Variants in ARHGAP21 observed in about 807,000 individuals in gnomAD.
ARHGAP21 encodes the protein Rho GTPase activating protein 21.
A neutral mutation model predicts 164.6 loss-of-function variants in ARHGAP21; 38 were observed. The ratio of observed to expected loss-of-function variants is 0.23; its 90% CI spans 0.18 to 0.30. The LOEUF is 0.30. Ranked by LOEUF, ARHGAP21 falls within the 10% of genes least tolerant of loss-of-function variation. The pLI is 1.00. For synonymous variants in ARHGAP21, 766 were observed against 857.9 expected (o/e 0.89, Z 1.87); for missense variants, 1,822 against 2,370.7 (o/e 0.77, Z 4.81).
chr10:24,713,880 A>G (rs912622748), intron 2 of ARHGAP21, among the ~76,000 whole-genome samples: 2 of 152,244 alleles, frequency 1.3e-5, no homozygotes, highest in Admixed American at 1.3e-4. Flanking sequence ...TAATTTGCAC[A>G]ATACCCAATT....
At chr10:24,651,266 C>G (rs1838133488) in intron 4 of ARHGAP21, among the ~76,000 whole-genome samples, 1 of 152,184 alleles carries the variant, frequency 6.6e-6, no homozygotes, top group African/African-American at 2.4e-5. Context: ...AAGTGTTTGC[C>G]TGGGGACTCT....
Position 24,722,075 on chromosome 10 carries a change from T to A in ARHGAP21, c.-176A>T. ...AAGGTTTTCAGGAAGCGCCTTCAAA[T>A]GCCTCGCTGATTTCTCGTGACTTCA... On this transcript the variant is annotated 5_prime_UTR_variant, in exon 2 of 26. Coordinates refer to ENST00000396432, the MANE Select transcript of ARHGAP21 (RefSeq NM_020824.4). 1 of 649,890 alleles carries A rather than the reference T, an allele frequency of 1.5e-6. No homozygotes were observed. Among genetic ancestry groups the A allele is most frequent in the South Asian group, 1.8e-5 (1 of 54,920 alleles). The allele number at this position is 649,890 out of a possible 1,614,324, so 40.3% of individuals were successfully genotyped here.
At chr10:24,688,829 T>C (rs1842456550) in intron 2 of ARHGAP21, among the ~76,000 whole-genome samples, 1 of 151,998 alleles carries the variant, frequency 6.6e-6, no homozygotes, top group Non-Finnish European at 1.5e-5. Context: ...TTAAAGGGAG[T>C]AGCATCAAAT....
At position 24,676,375 on chromosome 10, in the gene ARHGAP21, T is replaced by C. The variant is rs181016173; in HGVS notation, c.64-5978A>G. The stretch of plus-strand genomic sequence containing the variant: ...TACTGCATGCTGCTGAGGACTGGCA[T>C]AGGAATGTGATTCTCTCTTTTTATC... On this transcript the variant is annotated intron_variant, in intron 2 of 25. Transcript: ENST00000396432. Among the ~76,000 whole-genome samples the C allele has an allele frequency of 4.6e-5, 7 of 152,364 alleles. No individual in the cohort carries two copies. In the East Asian group the frequency reaches 9.6e-4, roughly 21 times the overall value.
intron 17 of ARHGAP21, 59 bp from the exon 18 acceptor site, chr10:24,596,102 A>C (rs2076567546): frequency 1.4e-6 from 2 of 1,403,430 alleles, no homozygotes; most frequent in East Asian, 4.8e-5. Context: ...GTAGTTGTAT[A>C]TCACAGCTAA....
At chr10:24,596,576 A>C (rs937990246) in intron 17 of ARHGAP21, 164 bp downstream of exon 17, 2 of 894,418 alleles carry the variant, frequency 2.2e-6, no homozygotes, top group African/African-American at 3.5e-5. Context: ...ATACATTAGA[A>C]AAAAAGCATT....
chr10:24,612,804 G>A (rs1041393792), intron 9 of ARHGAP21, among the ~76,000 whole-genome samples: 2 of 152,104 alleles, frequency 1.3e-5, no homozygotes, highest in African/African-American at 2.4e-5. Context: ...GCAGTGAGCC[G>A]AGATCAGGCT....
chr10:24,713,479 C>T (rs1187807239), intron 2 of ARHGAP21, among the ~76,000 whole-genome samples: 1 of 152,084 alleles, frequency 6.6e-6, no homozygotes, highest in African/African-American at 2.4e-5. Flanking sequence ...TCTGATCTGT[C>T]TACTTACCCC....
chr10:24,694,018 A>T (rs1842948568), intron 2 of ARHGAP21, among the ~76,000 whole-genome samples: 1 of 152,208 alleles, frequency 6.6e-6, no homozygotes, highest in Non-Finnish European at 1.5e-5. Flanking sequence ...GGTACAAAAG[A>T]TATACACCAA....
chr10:24,688,812 T>C (rs1221864949), intron 2 of ARHGAP21, among the ~76,000 whole-genome samples: 1 of 152,176 alleles, frequency 6.6e-6, no homozygotes, highest in African/African-American at 2.4e-5. Flanking sequence ...GGAAGAAAGA[T>C]GGAAGCTTAA....
intron 2 of ARHGAP21, among the ~76,000 whole-genome samples, chr10:24,702,154 G>A (rs1317253594): frequency 3.4e-4 from 35 of 103,374 alleles, no homozygotes; most frequent in Admixed American, 4.1e-4. Flanking sequence ...TTTTTGAGAC[G>A]GAGTCTTGCT....
intron 4 of ARHGAP21, among the ~76,000 whole-genome samples, chr10:24,650,756 T>C (rs1008937026): frequency 3.9e-5 from 6 of 152,194 alleles, no homozygotes; most frequent in Admixed American, 2.0e-4. Context: ...AGCTAGACGA[T>C]GTATAACCAC....
At chr10:24,687,862 T>C (rs1012925072) in intron 2 of ARHGAP21, among the ~76,000 whole-genome samples, 3 of 152,250 alleles carry the variant, frequency 2.0e-5, no homozygotes, top group Non-Finnish European at 4.4e-5. Flanking sequence ...ACACATATCA[T>C]GTGGTTTCAC....
At chr10:24,692,318 T>C (rs572955166) in intron 2 of ARHGAP21, among the ~76,000 whole-genome samples, 2 of 152,314 alleles carry the variant, frequency 1.3e-5, no homozygotes, top group African/African-American at 4.8e-5. Context: ...CCTATAGGCA[T>C]GGAGTCGATG....
intron 2 of ARHGAP21, among the ~76,000 whole-genome samples, chr10:24,718,584 T>C (rs1392731301): frequency 6.6e-6 from 1 of 152,026 alleles, no homozygotes; most frequent in African/African-American, 2.4e-5. Context: ...GAGAAGGAAC[T>C]AGGGAGTCTG....
rs142435310 is a variant in ARHGAP21 at position 24,584,777 on chromosome 10, A to G, written c.5512T>C (p.Leu1838=). 3.1e-6 allele frequency: 5 copies of G among 1,613,662 alleles called. No homozygotes were observed. Among genetic ancestry groups the G allele is most frequent in the Non-Finnish European group, 4.2e-6 (5 of 1,179,844 alleles). The change falls in exon 26 of 26, where the codon TTA becomes CTA. Residue 1838 remains leucine (L), a synonymous_variant. Coordinates refer to ENST00000396432, the MANE Select transcript of ARHGAP21 (RefSeq NM_020824.4). ...RESELSAVNR[L]KPKCSAQDLS... is the part of the protein sequence containing the mutation. The stretch of plus-strand genomic sequence containing the variant: ...TCCTGGGCTGAGCATTTTGGTTTTA[A>G]CCGGTTTACAGCTGAAAGTTCAGAT...
At chr10:24,690,583 C>T (rs1346151806) in intron 2 of ARHGAP21, among the ~76,000 whole-genome samples, 1 of 152,104 alleles carries the variant, frequency 6.6e-6, no homozygotes, top group African/African-American at 2.4e-5. Flanking sequence ...AATCCCAGCA[C>T]TTTGGGAGGC....
chr10:24,693,028 A>G (rs1842876400), intron 2 of ARHGAP21, among the ~76,000 whole-genome samples: 1 of 152,138 alleles, frequency 6.6e-6, no homozygotes, highest in African/African-American at 2.4e-5. Flanking sequence ...CGAAAGTTCA[A>G]ATAGGCAAAA....
chr10:24,628,679 TA>T (rs1481935773), intron 7 of ARHGAP21, among the ~76,000 whole-genome samples: 1 of 151,404 alleles, frequency 6.6e-6, no homozygotes, highest in African/African-American at 2.4e-5. Context: ...GTATGTTACT[TA>T]AAGAGTTTTT....
Sources: gnomAD v4.1 joint callset for allele counts (sites outside exome capture counted in the v4.1 genomes callset) on GRCh38, gnomAD v4.1.1 for gene constraint, MANE v1.5 for transcripts, NCBI Gene and HGNC (gene_info 2026-07-23, HGNC 2026-07-21) for gene names.